MBP: variants seen among roughly 807,000 people sequenced by gnomAD.
MBP encodes myelin basic protein.
In MBP, 16 loss-of-function variants were observed where a neutral mutation model predicts 35.8. The observed-to-expected ratio is 0.45, with a 90% CI of 0.30 to 0.68. MBP has a LOEUF of 0.68. Among genes scored for constraint, MBP ranks in the 30% least tolerant of loss-of-function variants. The probability of loss-of-function intolerance (pLI) is 0.08; values close to 1 mark genes in which losing one functional copy is unlikely to be tolerated. For missense variants in MBP, 380 were observed against 404.7 expected (o/e 0.94, Z 0.52); for synonymous variants, 143 against 159.6 (o/e 0.90, Z 0.78).
chr18:77,003,520 C>T (rs1002740852), intron 4 of MBP: 1 of 152,182 alleles, frequency 6.6e-6, no homozygotes, highest in Non-Finnish European at 1.5e-5. Flanking sequence ...AACTCAGAGA[C>T]AGAGAGCTCA....
At chr18:77,015,323 T>A in intron 4 of MBP, 2 of 985,452 alleles carry the variant, frequency 2.0e-6, no homozygotes, top group Non-Finnish European at 1.2e-6. Flanking sequence ...AAACTGGTGA[T>A]GCTGTATGCG....
intron 3 of MBP, among the ~76,000 whole-genome samples, chr18:77,029,083 G>C (rs1387147535): frequency 4.0e-5 from 4 of 100,034 alleles, no homozygotes; most frequent in Non-Finnish European, 5.2e-5. Flanking sequence ...AGGTTGTAGC[G>C]AGCCGAGATC....
At chr18:77,067,510 T>C (rs920893470) in intron 2 of MBP, among the ~76,000 whole-genome samples, 5 of 152,214 alleles carry the variant, frequency 3.3e-5, no homozygotes, top group African/African-American at 1.2e-4. Flanking sequence ...ATTTGTGTTT[T>C]TCAACCCTAA....
At chr18:77,043,976 T>A (rs769009875) in intron 3 of MBP, among the ~76,000 whole-genome samples, 10 of 152,044 alleles carry the variant, frequency 6.6e-5, no homozygotes, top group Non-Finnish European at 1.3e-4. Flanking sequence ...TTCCCCCAGC[T>A]GCCGTCCTGT....
At chr18:77,085,844 C>T (rs1436823351) in intron 2 of MBP, among the ~76,000 whole-genome samples, 3 of 151,982 alleles carry the variant, frequency 2.0e-5, no homozygotes, top group East Asian at 1.9e-4. Flanking sequence ...ACCACCACGC[C>T]GGCTAATTTT....
chr18:77,022,825 A>G (rs969582226), intron 3 of MBP, among the ~76,000 whole-genome samples: 1 of 152,268 alleles, frequency 6.6e-6, no homozygotes, highest in African/African-American at 2.4e-5. Context: ...CATAAGAAGT[A>G]TGCGAAGAAG....
At chr18:77,112,537 C>T (rs1425595437) in intron 1 of MBP, 2 of 152,238 alleles carry the variant, frequency 1.3e-5, no homozygotes, top group East Asian at 1.9e-4. Flanking sequence ...GGGTCAGATC[C>T]CTCTCTTCCT....
chr18:77,022,391 C>T (rs1223503514), intron 3 of MBP, among the ~76,000 whole-genome samples: 4 of 152,194 alleles, frequency 2.6e-5, no homozygotes, highest in Non-Finnish European at 5.9e-5. Flanking sequence ...GGGCGGGAGA[C>T]TTCGGTGGCA....
At chr18:76,993,420 C>T (rs975516094) in intron 4 of MBP, among the ~76,000 whole-genome samples, 1 of 152,062 alleles carries the variant, frequency 6.6e-6, no homozygotes, top group Non-Finnish European at 1.5e-5. Context: ...GGCTTGGCGT[C>T]GTGTGCCTAT....
intron 1 of MBP, among the ~76,000 whole-genome samples, chr18:77,124,102 T>C (rs1276788645): frequency 6.6e-6 from 1 of 152,146 alleles, no homozygotes; most frequent in Non-Finnish European, 1.5e-5. Context: ...TGTCACCAGA[T>C]GCCCCAAAAG....
At chr18:77,127,024 C>T (rs1270417368) in intron 1 of MBP, among the ~76,000 whole-genome samples, 4 of 152,152 alleles carry the variant, frequency 2.6e-5, no homozygotes, top group East Asian at 3.8e-4. Flanking sequence ...CACCCATAAA[C>T]GCGCTATTCT....
intron 2 of MBP, among the ~76,000 whole-genome samples, chr18:77,085,206 C>A (rs1023231576): frequency 8.6e-4 from 130 of 151,600 alleles, no homozygotes; most frequent in African/African-American, 3.0e-3. Context: ...AAAAAAAAAA[C>A]AGTCCTACTT....
At chr18:77,008,926 C>T (rs954146387) in intron 4 of MBP, among the ~76,000 whole-genome samples, 1 of 152,220 alleles carries the variant, frequency 6.6e-6, no homozygotes, top group East Asian at 1.9e-4. Context: ...TCCCCCCTTG[C>T]CGGCCTCTGA....
chr18:76,999,384 AG>A (rs1344979109), intron 4 of MBP, among the ~76,000 whole-genome samples: 1 of 152,056 alleles, frequency 6.6e-6, no homozygotes, highest in African/African-American at 2.4e-5. Flanking sequence ...GTGACGTATA[AG>A]GTCATCCTGA....
intron 3 of MBP, among the ~76,000 whole-genome samples, chr18:77,032,547 G>T (rs1197370570): frequency 6.6e-6 from 1 of 152,350 alleles, no homozygotes; most frequent in East Asian, 1.9e-4. Flanking sequence ...GGACGGGGTC[G>T]GCGAGGCGCG....
Position 76,984,820 on chromosome 18 carries a change from G to C in MBP, c.825C>G (p.Phe275Leu). 6.2e-7 allele frequency: 1 copy of C among 1,614,112 alleles called. No individual in the cohort carries two copies. Among genetic ancestry groups the C allele is most frequent in the Non-Finnish European group, 8.5e-7 (1 of 1,180,032 alleles). The change falls in exon 8 of 9, where the codon TTC becomes TTG. Residue 275 changes from phenylalanine (F) to leucine (L), a missense_variant. Coordinates refer to ENST00000355994, the MANE Select transcript of MBP (RefSeq NM_001025101.2). The stretch of plus-strand genomic sequence containing the variant: ...GCGTGCCCTGGGCATCGACTCCCTT[G>C]AATCCCTTGTGAGCCGATTTATAGT... ...ASDYKSAHKG[F>L]KGVDAQGTLS...
intron 2 of MBP, among the ~76,000 whole-genome samples, chr18:77,082,363 T>G (rs1325838006): frequency 6.6e-6 from 1 of 152,154 alleles, no homozygotes; most frequent in Non-Finnish European, 1.5e-5. Flanking sequence ...CGCCTTTTCA[T>G]GTAAGATTCC....
At chr18:77,112,169 G>GCACACACACACA (rs6146398) in intron 1 of MBP, among the ~76,000 whole-genome samples, 1,657 of 150,984 alleles carry the variant, frequency 0.011, 38 homozygotes, top group South Asian at 0.049. Flanking sequence ...CCGTGCACAC[G>GCACACACACACA]CACACACACA....
chr18:77,031,304 C>T (rs981081150), intron 3 of MBP, among the ~76,000 whole-genome samples: 1 of 152,216 alleles, frequency 6.6e-6, no homozygotes, highest in Non-Finnish European at 1.5e-5. Context: ...GCCAGACAGA[C>T]CCCCGAGGCT....
Sources: allele counts gnomAD v4.1 joint callset (sites outside exome capture counted in the v4.1 genomes callset), GRCh38; gene constraint gnomAD v4.1.1; transcripts MANE v1.5; gene names NCBI Gene and HGNC (gene_info 2026-07-23, HGNC 2026-07-21).